The following POT1 variants were observed in gnomAD, a reference collection of about 807,000 sequenced individuals.
The protein encoded by POT1 is protection of telomeres protein 1.
In POT1, 47 loss-of-function variants were observed where a neutral mutation model predicts 78.5. The ratio of observed to expected loss-of-function variants is 0.60; its 90% CI spans 0.47 to 0.76. The LOEUF (loss-of-function observed/expected upper bound fraction) is 0.76. Ranked by LOEUF, POT1 falls within the 30% of genes least tolerant of loss-of-function variation. The probability of loss-of-function intolerance (pLI) is 0.00; values close to 1 mark genes in which losing one functional copy is unlikely to be tolerated. For missense variants in POT1, 646 were observed against 749.9 expected (o/e 0.86, Z 1.62); for synonymous variants, 259 against 260.7 (o/e 0.99, Z 0.06).
chr7:124,918,754 C>A (rs1797077161), intron 2 of POT1, among the ~76,000 whole-genome samples: 1 of 152,088 alleles, frequency 6.6e-6, no homozygotes, highest in African/African-American at 2.4e-5. Context: ...CCCTTAAATT[C>A]CAAATGACGT....
chr7:124,847,613 A>G (rs562114826), intron 11 of POT1, among the ~76,000 whole-genome samples: 1 of 152,370 alleles, frequency 6.6e-6, no homozygotes, highest in Non-Finnish European at 1.5e-5. Flanking sequence ...AAAAAATAAC[A>G]AAGTTGGAGA....
intron 3 of POT1, chr7:124,900,784 G>T: frequency 2.7e-6 from 1 of 364,942 alleles, no homozygotes; most frequent in Non-Finnish European, 5.7e-6. Flanking sequence ...CTGGAACATC[G>T]GGACACTCCT....
At chr7:124,927,476 A>G (rs1357486333) in intron 2 of POT1, among the ~76,000 whole-genome samples, 1 of 152,160 alleles carries the variant, frequency 6.6e-6, no homozygotes, top group Non-Finnish European at 1.5e-5. Flanking sequence ...TACATATACA[A>G]AGCATTTAGG....
At chr7:124,861,400 C>T (rs977255796) in intron 8 of POT1, among the ~76,000 whole-genome samples, 1 of 152,188 alleles carries the variant, frequency 6.6e-6, no homozygotes, top group Non-Finnish European at 1.5e-5. Flanking sequence ...ACATAAATGT[C>T]TTCTTTTGAG....
At chr7:124,921,604 C>T (rs923305960) in intron 2 of POT1, among the ~76,000 whole-genome samples, 1 of 152,142 alleles carries the variant, frequency 6.6e-6, no homozygotes, top group South Asian at 2.1e-4. Context: ...TTGTCCCTCA[C>T]CCCCTCAACT....
chr7:124,887,612 A>G (rs1047701957), intron 6 of POT1, among the ~76,000 whole-genome samples: 8 of 152,116 alleles, frequency 5.3e-5, no homozygotes, highest in African/African-American at 1.7e-4. Flanking sequence ...AACTCCTGGC[A>G]TGCAGGAGAT....
intron 7 of POT1, among the ~76,000 whole-genome samples, chr7:124,866,825 A>T (rs1223202437): frequency 6.6e-6 from 1 of 152,232 alleles, no homozygotes; most frequent in Non-Finnish European, 1.5e-5. Context: ...TCGTGGTAGT[A>T]GGGCTAGTCT....
chr7:124,915,102 T>C (rs1366756104), intron 3 of POT1, among the ~76,000 whole-genome samples: 1 of 152,200 alleles, frequency 6.6e-6, no homozygotes, highest in African/African-American at 2.4e-5. Context: ...TCACAGCTTA[T>C]AACCCCAGTA....
intron 2 of POT1, among the ~76,000 whole-genome samples, chr7:124,920,310 A>G (rs938162800): frequency 6.6e-6 from 1 of 152,172 alleles, no homozygotes; most frequent in African/African-American, 2.4e-5. Context: ...ATAGTAAGTG[A>G]AAGAAGCCAG....
intron 1 of POT1, chr7:124,929,428 A>G (rs1797353627): frequency 6.6e-6 from 1 of 152,206 alleles, no homozygotes; most frequent in South Asian, 2.1e-4. Flanking sequence ...TTCACCCGCT[A>G]AATAAATGAA....
chr7:124,881,632 T>C (rs1796120757), intron 6 of POT1, among the ~76,000 whole-genome samples: 1 of 151,992 alleles, frequency 6.6e-6, no homozygotes, highest in Non-Finnish European at 1.5e-5. Context: ...CTTATTTAAC[T>C]GCTCCAAGGA....
At chr7:124,884,983 GTA>G (rs2116609852) in intron 6 of POT1, among the ~76,000 whole-genome samples, 1 of 150,456 alleles carries the variant, frequency 6.6e-6, no homozygotes, top group South Asian at 2.1e-4. Flanking sequence ...ATGATGAATG[GTA>G]TGTGTCCACG....
At chr7:124,911,079 T>C (rs566319637) in intron 3 of POT1, among the ~76,000 whole-genome samples, 1 of 152,224 alleles carries the variant, frequency 6.6e-6, no homozygotes, top group East Asian at 1.9e-4. Flanking sequence ...CATTCATAAA[T>C]GCAAAATTTT....
chr7:124,921,000 G>A (rs943396384), intron 2 of POT1, among the ~76,000 whole-genome samples: 3 of 152,126 alleles, frequency 2.0e-5, no homozygotes, highest in African/African-American at 7.2e-5. Flanking sequence ...GGGAGGCTGA[G>A]GCAGAAGGAT....
rs1348510446 is a variant in POT1, at chr7:124,892,285, T to C, written c.105A>G (p.Pro35=). The C allele has an allele frequency of 1.9e-6, 3 of 1,543,134 alleles. No individual in the cohort carries two copies. Among genetic ancestry groups the C allele is most frequent in the Middle Eastern group, 1.7e-4 (1 of 5,876 alleles). ...VYGVVKFFKP[P]YLSKGTDYCS... Reference sequence around the variant, plus strand: ...ACCTACCAGTTCCTTTGCTTAGATATGGGGGCTTAAAGAACTTCACAACAC... The same window carrying C: ...ACCTACCAGTTCCTTTGCTTAGATACGGGGGCTTAAAGAACTTCACAACAC... The change falls in exon 6 of 19, where the codon CCA becomes CCG. Residue 35 remains proline, a synonymous_variant. Coordinates refer to ENST00000357628, the MANE Select transcript of POT1 (RefSeq NM_015450.3).
chr7:124,865,812 T>A (rs1184587918), intron 7 of POT1, among the ~76,000 whole-genome samples: 2 of 152,060 alleles, frequency 1.3e-5, no homozygotes, highest in African/African-American at 4.8e-5. Context: ...GCTCAAGGGA[T>A]CTTCTCACCT....
At chr7:124,870,202 A>G (rs1295528100) in intron 7 of POT1, among the ~76,000 whole-genome samples, 3 of 152,198 alleles carry the variant, frequency 2.0e-5, no homozygotes, top group African/African-American at 7.2e-5. Flanking sequence ...TCATGTAGTA[A>G]TTTCCAAAGA....
At chr7:124,882,312 CAAGT>C (rs1796138317) in intron 6 of POT1, among the ~76,000 whole-genome samples, 1 of 151,964 alleles carries the variant, frequency 6.6e-6, no homozygotes, top group African/African-American at 2.4e-5. Flanking sequence ...TTAAAACATT[CAAGT>C]AATACCTATG....
intron 12 of POT1, 107 bp from the exon 13 acceptor site, chr7:124,843,070 T>G: frequency 1.3e-6 from 1 of 791,388 alleles, no homozygotes. Flanking sequence ...TAAGCTCTAT[T>G]AAGTGTCACT....
Sources: allele counts gnomAD v4.1 joint callset (sites outside exome capture counted in the v4.1 genomes callset), GRCh38; gene constraint gnomAD v4.1.1; transcripts MANE v1.5; gene names NCBI Gene and HGNC (gene_info 2026-07-23, HGNC 2026-07-21).